The following SLC9A8 variants were observed in gnomAD, a reference collection of about 807,000 sequenced individuals.
SLC9A8 encodes the protein sodium/hydrogen exchanger 8.
Under a neutral mutation model 66.6 loss-of-function variants are expected in SLC9A8, and 48 were observed. The observed-to-expected ratio is 0.72, with a 90% CI of 0.57 to 0.92. SLC9A8 has a LOEUF of 0.92. Among genes scored for constraint, SLC9A8 ranks in the 40% least tolerant of loss-of-function variants. The pLI is 0.00. For missense variants in SLC9A8, 599 were observed against 747.3 expected (o/e 0.80, Z 2.31); for synonymous variants, 274 against 282.6 (o/e 0.97, Z 0.31).
chr20:49,886,972 T>TG lies in SLC9A8; in HGVS notation c.1638+78dup. Reference sequence around the variant, plus strand: ...CTTCAGGACCTGCGGTGGCCCAGGGTGGGGTGGAGGAAGAGTGGGGAGGCA... The same window carrying TG: ...CTTCAGGACCTGCGGTGGCCCAGGGTGGGGGTGGAGGAAGAGTGGGGAGGCA... On this transcript the variant is annotated intron_variant, in intron 15 of 15. Coordinates refer to ENST00000361573, the MANE Select transcript of SLC9A8 (RefSeq NM_015266.3). The surrounding 1 kb of genome is among the most constrained non-coding windows in gnomAD (Gnocchi z 4.8). 2 of 1,514,846 alleles carry TG rather than the reference T, an allele frequency of 1.3e-6. No homozygotes were observed. The highest frequency in any genetic ancestry group is 2.3e-5 in the East Asian group (1 of 42,922). The allele number at this position is 1,514,846 out of a possible 1,614,324, so 93.8% of individuals were successfully genotyped here. A position where few individuals can be genotyped will look rare whatever the true frequency, so the allele number is the denominator to read the frequency against.
intron 3 of SLC9A8, among the ~76,000 whole-genome samples, chr20:49,839,069 A>G (rs1209849933): frequency 1.3e-5 from 2 of 152,176 alleles, no homozygotes; most frequent in Non-Finnish European, 2.9e-5. Context: ...CAGAACTTTT[A>G]CTTTAGGTTA....
At chr20:49,862,295 T>C (rs1220823710) in intron 8 of SLC9A8, among the ~76,000 whole-genome samples, 8 of 152,254 alleles carry the variant, frequency 5.3e-5, no homozygotes, top group South Asian at 2.1e-4. Context: ...AGAGTCTTGC[T>C]CTGTTGCCCA....
In SLC9A8 at chr20:49,821,961, A is replaced by G. The variant is rs1438470706; in HGVS notation, c.209-1100A>G. Among the ~76,000 whole-genome samples the G allele has an allele frequency of 2.6e-5, 4 of 152,278 alleles. No individual in the cohort carries two copies. The East Asian group carries it at 7.7e-4, about 29-fold the overall frequency. Reference sequence around the variant, plus strand: ...CTGTGGTTAAGAGCACAGATTTGGAATCTGACTCAATACTGCAGCACCTAC... The same window carrying G: ...CTGTGGTTAAGAGCACAGATTTGGAGTCTGACTCAATACTGCAGCACCTAC... On this transcript the variant is annotated intron_variant, in intron 2 of 15. Coordinates refer to ENST00000361573, the MANE Select transcript of SLC9A8 (RefSeq NM_015266.3).
chr20:49,814,191 A>G (rs2086463604), intron 1 of SLC9A8, among the ~76,000 whole-genome samples: 1 of 152,174 alleles, frequency 6.6e-6, no homozygotes, highest in Non-Finnish European at 1.5e-5. Flanking sequence ...AGCGATTTCA[A>G]GTTTGGGTTT....
chr20:49,818,479 ATTTTTTTTTTTT>A (rs758928369), intron 2 of SLC9A8, among the ~76,000 whole-genome samples: 4 of 125,030 alleles, frequency 3.2e-5, no homozygotes, highest in East Asian at 4.5e-4. Flanking sequence ...CAAACATTGA[ATTTTTTTTTTTT>A]TTTTTTTTTT....
intron 5 of SLC9A8, 83 bp downstream of exon 5, chr20:49,845,202 A>G (rs1177957714): frequency 1.0e-6 from 1 of 995,452 alleles, no homozygotes. Context: ...CTTGGGTATA[A>G]TTTAGCAGCA....
At chr20:49,874,261 C>G (rs963446444) in intron 10 of SLC9A8, among the ~76,000 whole-genome samples, 7 of 151,672 alleles carry the variant, frequency 4.6e-5, no homozygotes, top group Non-Finnish European at 1.0e-4. Context: ...TCTGTCCCCC[C>G]CCCAAAAAAA....
chr20:49,841,338 A>T (rs1381486147), intron 4 of SLC9A8, among the ~76,000 whole-genome samples: 47 of 149,782 alleles, frequency 3.1e-4, no homozygotes, highest in Non-Finnish European at 1.9e-4. Flanking sequence ...AAGTTGGGGC[A>T]GGCTTCCTGG....
At chr20:49,836,866 CTG>C (rs905669030) in intron 3 of SLC9A8, among the ~76,000 whole-genome samples, 4 of 152,130 alleles carry the variant, frequency 2.6e-5, no homozygotes, top group African/African-American at 7.2e-5. Flanking sequence ...AAAATTATAA[CTG>C]TGAAAGGAAG....
intron 3 of SLC9A8, among the ~76,000 whole-genome samples, chr20:49,838,924 A>G (rs1189644730): frequency 1.3e-5 from 2 of 152,230 alleles, no homozygotes; most frequent in Admixed American, 6.5e-5. Flanking sequence ...AGGGAGTAAC[A>G]GAGCAATCAT....
intron 3 of SLC9A8, among the ~76,000 whole-genome samples, chr20:49,825,252 T>G (rs868517794): frequency 5.9e-5 from 9 of 152,202 alleles, no homozygotes; most frequent in South Asian, 2.1e-4. Flanking sequence ...ATCTATTGTT[T>G]AAGCCATTTT....
rs559989667 is a variant in SLC9A8, at chr20:49,836,144, A to G, written c.290-3397A>G. 3.3e-5 allele frequency among the ~76,000 whole-genome samples: 5 copies of G among 152,316 alleles called. No homozygotes were observed. In the South Asian group the frequency reaches 1.0e-3, roughly 32 times the overall value. On this transcript the variant is annotated intron_variant, in intron 3 of 15. Coordinates refer to ENST00000361573, the MANE Select transcript of SLC9A8 (RefSeq NM_015266.3). ...CCCTGTAGATTTGTCTATTGTGGAC[A>G]TTTCATATAAATGGAATGGTAAAAT... is the stretch of plus-strand genomic sequence containing the variant.
At chr20:49,885,072 T>C (rs930346083) in intron 14 of SLC9A8, among the ~76,000 whole-genome samples, 3 of 152,252 alleles carry the variant, frequency 2.0e-5, no homozygotes, top group Non-Finnish European at 4.4e-5. Context: ...CATGCTCAGC[T>C]GGGCCCCTCA....
At chr20:49,883,581 C>T (rs959279344) in intron 13 of SLC9A8, among the ~76,000 whole-genome samples, 9 of 152,204 alleles carry the variant, frequency 5.9e-5, no homozygotes, top group Non-Finnish European at 1.0e-4. Flanking sequence ...GCTAAGTCCT[C>T]CCGCACCCGC....
At chr20:49,852,705 T>A (rs1280616410) in intron 7 of SLC9A8, among the ~76,000 whole-genome samples, 2 of 152,182 alleles carry the variant, frequency 1.3e-5, no homozygotes, top group Non-Finnish European at 2.9e-5. Flanking sequence ...TAACCGTCTT[T>A]CCATACAGAC....
intron 5 of SLC9A8, among the ~76,000 whole-genome samples, 174 bp downstream of exon 5, chr20:49,845,293 A>G (rs188385014): frequency 6.6e-5 from 10 of 152,386 alleles, no homozygotes; most frequent in African/African-American, 2.4e-4. Context: ...AGAGGAGCAG[A>G]CATGATGAAT....
intron 10 of SLC9A8, among the ~76,000 whole-genome samples, chr20:49,871,603 G>A (rs1184108057): frequency 6.6e-6 from 1 of 152,192 alleles, no homozygotes; most frequent in Non-Finnish European, 1.5e-5. Flanking sequence ...TGTGGGTGGT[G>A]GAGAGTCCCC....
chr20:49,813,833 G>T (rs2086448584), intron 1 of SLC9A8, among the ~76,000 whole-genome samples: 1 of 152,220 alleles, frequency 6.6e-6, no homozygotes, highest in Non-Finnish European at 1.5e-5. Flanking sequence ...GTGACAGGCA[G>T]CATGGCTGGT....
chr20:49,887,012 G>A, intron 15 of SLC9A8, 114 bp downstream of exon 15: 1 of 1,186,440 alleles, frequency 8.4e-7, no homozygotes, highest in South Asian at 1.6e-5. Context: ...AGCTCACGTG[G>A]GCCCGCCAGG....
Sources: gnomAD v4.1 joint callset for allele counts (sites outside exome capture counted in the v4.1 genomes callset) on GRCh38, gnomAD v4.1.1 for gene constraint, Gnocchi (gnomAD v3.1) non-coding constraint, MANE v1.5 for transcripts, NCBI Gene and HGNC (gene_info 2026-07-23, HGNC 2026-07-21) for gene names.